The following THSD4 variants were observed in gnomAD, a reference collection of about 807,000 sequenced individuals.
THSD4 encodes the protein thrombospondin type-1 domain-containing protein 4.
Under a neutral mutation model 119.0 loss-of-function variants are expected in THSD4, and 69 were observed. That is an observed-to-expected ratio of 0.58 (90% CI 0.48 to 0.71). THSD4 has a LOEUF of 0.71. Among genes scored for constraint, THSD4 ranks in the 30% least tolerant of loss-of-function variants. The probability of loss-of-function intolerance (pLI) is 0.00; values close to 1 mark genes in which losing one functional copy is unlikely to be tolerated. For missense variants in THSD4, 1,393 were observed against 1,391.1 expected, an observed-to-expected ratio of 1.00 and a Z score of -0.02; for synonymous variants, 524 against 540.4, an observed-to-expected ratio of 0.97 and a Z score of 0.42.
intron 8 of THSD4, among the ~76,000 whole-genome samples, chr15:71,702,572 A>C (rs974857660): frequency 2.0e-5 from 3 of 152,098 alleles, no homozygotes; most frequent in African/African-American, 2.4e-5. Context: ...TGAGAATGCT[A>C]TTGCCACCCT....
intron 7 of THSD4, among the ~76,000 whole-genome samples, chr15:71,511,864 C>T (rs2048288882): frequency 6.6e-6 from 1 of 152,234 alleles, no homozygotes; most frequent in Non-Finnish European, 1.5e-5. Context: ...ATTTAATACA[C>T]ATCCCCCACA....
At chr15:71,216,344 C>T (rs988164735) in intron 4 of THSD4, among the ~76,000 whole-genome samples, 21 of 152,238 alleles carry the variant, frequency 1.4e-4, no homozygotes, top group Admixed American at 7.8e-4. Context: ...TGCCCACTCA[C>T]AGTTCAGCAT....
chr15:71,768,008 C>T (rs2053744015), intron 16 of THSD4, among the ~76,000 whole-genome samples: 1 of 152,140 alleles, frequency 6.6e-6, no homozygotes, highest in Non-Finnish European at 1.5e-5. Flanking sequence ...CTTTAAAAAA[C>T]TGATAAGTCA....
intron 5 of THSD4, among the ~76,000 whole-genome samples, chr15:71,245,760 T>A (rs1432532729): frequency 6.6e-6 from 1 of 152,044 alleles, no homozygotes; most frequent in Non-Finnish European, 1.5e-5. Flanking sequence ...TAAAAAGAAA[T>A]CAGGTGTTTA....
At chr15:71,492,215 G>A (rs1045664251) in intron 7 of THSD4, among the ~76,000 whole-genome samples, 2 of 151,598 alleles carry the variant, frequency 1.3e-5, no homozygotes, top group African/African-American at 4.8e-5. Flanking sequence ...GACACCATTA[G>A]TCTAAGGTAG....
At chr15:71,474,646 C>T (rs1427932696) in intron 7 of THSD4, among the ~76,000 whole-genome samples, 1 of 152,234 alleles carries the variant, frequency 6.6e-6, no homozygotes, top group East Asian at 1.9e-4. Flanking sequence ...CCTATGCTCT[C>T]TGTCTGCAGA....
At chr15:71,481,619 T>G (rs550547947) in intron 7 of THSD4, among the ~76,000 whole-genome samples, 19 of 152,218 alleles carry the variant, frequency 1.2e-4, no homozygotes, top group Admixed American at 7.2e-4. Context: ...TTTTTGCCCC[T>G]CTTCATGCTC....
chr15:71,588,198 CG>C (rs2049722006), intron 7 of THSD4, among the ~76,000 whole-genome samples: 1 of 149,876 alleles, frequency 6.7e-6, no homozygotes, highest in Admixed American at 6.7e-5. Context: ...CCCAGCTACT[CG>C]GGAGGCTGAG....
chr15:71,582,669 T>C (rs1446539751), intron 7 of THSD4, among the ~76,000 whole-genome samples: 5 of 152,294 alleles, frequency 3.3e-5, no homozygotes, highest in African/African-American at 1.2e-4. Context: ...ATACCTGATT[T>C]GTTAGTTTTT....
At chr15:71,104,449 C>A (rs2040265790) in intron 1 of THSD4, among the ~76,000 whole-genome samples, 1 of 152,196 alleles carries the variant, frequency 6.6e-6, no homozygotes, top group South Asian at 2.1e-4. Context: ...CTACCTGGAG[C>A]TAAGCATCAG....
intron 7 of THSD4, among the ~76,000 whole-genome samples, chr15:71,605,244 T>A (rs1259608700): frequency 6.6e-6 from 1 of 152,200 alleles, no homozygotes; most frequent in Non-Finnish European, 1.5e-5. Context: ...AGAATAAGTA[T>A]ATATTTTGTT....
intron 6 of THSD4, among the ~76,000 whole-genome samples, chr15:71,300,113 T>A (rs1295706324): frequency 6.6e-6 from 1 of 151,096 alleles, no homozygotes; most frequent in Admixed American, 6.6e-5. Flanking sequence ...ACTGCGCCAC[T>A]GACTCCAGTG....
At chr15:71,728,466 G>C in intron 8 of THSD4, 83 bp from the exon 9 acceptor site, 1 of 1,519,624 alleles carries the variant, frequency 6.6e-7, no homozygotes, top group Non-Finnish European at 9.0e-7. Context: ...GATGAATGAA[G>C]AAGCCAGAAA....
chr15:71,634,187 CAAAAAA>C (rs60080654), intron 7 of THSD4, among the ~76,000 whole-genome samples: 1,458 of 126,146 alleles, frequency 0.012, 19 homozygotes, highest in Non-Finnish European at 0.016. Flanking sequence ...AACTCCGTCT[CAAAAAA>C]AAAAAAAAAA....
At chr15:71,440,716 C>G (rs536785435) in intron 7 of THSD4, among the ~76,000 whole-genome samples, 1 of 152,236 alleles carries the variant, frequency 6.6e-6, no homozygotes, top group South Asian at 2.1e-4. Context: ...TCAAAAGCAG[C>G]TCATAGGGAA....
intron 12 of THSD4, 39 bp downstream of exon 12, chr15:71,745,274 T>C (rs371345738): frequency 1.2e-6 from 2 of 1,608,338 alleles, no homozygotes; most frequent in Non-Finnish European, 1.7e-6. Flanking sequence ...TATTACCGGG[T>C]CACTTCAGGT....
intron 7 of THSD4, among the ~76,000 whole-genome samples, chr15:71,484,783 C>T (rs2047789486): frequency 6.6e-6 from 1 of 152,108 alleles, no homozygotes; most frequent in South Asian, 2.1e-4. Flanking sequence ...ATGAAGTGAA[C>T]CCTTGTGATG....
intron 7 of THSD4, among the ~76,000 whole-genome samples, chr15:71,583,891 G>C (rs2049606206): frequency 1.3e-5 from 2 of 152,254 alleles, no homozygotes; most frequent in South Asian, 4.1e-4. Context: ...GCTGTTGGTA[G>C]AATGTTCTGC....
chr15:71,780,993 T>C lies in THSD4; in HGVS notation c.*3619T>C. On this transcript the variant is annotated 3_prime_UTR_variant, in exon 18 of 18. Coordinates refer to ENST00000261862, the MANE Select transcript of THSD4 (RefSeq NM_024817.3). The stretch of plus-strand genomic sequence containing the variant: ...GCCACTTTATAGTTGGAATATCAAT[T>C]CTAATGAGGAGGAAGACATAAATAT... 2.9e-6 allele frequency: 1 copy of C among 343,364 alleles called. No individual in the cohort carries two copies. Among genetic ancestry groups the C allele is most frequent in the Non-Finnish European group, 5.8e-6 (1 of 173,658 alleles). The allele number at this position is 343,364 out of a possible 1,614,324, so 21.3% of individuals were successfully genotyped here.
Sources: allele counts gnomAD v4.1 joint callset (sites outside exome capture counted in the v4.1 genomes callset), GRCh38; gene constraint gnomAD v4.1.1; transcripts MANE v1.5; gene names NCBI Gene and HGNC (gene_info 2026-07-23, HGNC 2026-07-21).